The following HS6ST1 variants were observed in gnomAD, a reference collection of about 807,000 sequenced individuals.
HS6ST1 encodes heparan-sulfate 6-O-sulfotransferase 1.
A neutral mutation model predicts 25.2 loss-of-function variants in HS6ST1; 3 were observed. The ratio of observed to expected loss-of-function variants is 0.12; its 90% CI spans 0.05 to 0.31. HS6ST1 has a LOEUF of 0.31. HS6ST1 is among the 10% of genes least tolerant of loss of function. The pLI is 1.00. For synonymous variants in HS6ST1, 204 were observed against 275.1 expected (o/e 0.74, Z 2.56); for missense variants, 310 against 609.6 (o/e 0.51, Z 5.18).
intron 1 of HS6ST1, among the ~76,000 whole-genome samples, chr2:128,277,583 G>A (rs541463152): frequency 6.6e-6 from 1 of 152,336 alleles, no homozygotes; most frequent in Non-Finnish European, 1.5e-5. Flanking sequence ...CACAAGTAGC[G>A]GGAGGGGTCA....
rs1405524441 is a variant in HS6ST1, at chr2:128,266,384, C to A, written c.*1778G>T. Reference sequence around the variant, plus strand: ...TCACTTCCTTAGTGTGATGCATCCACCCAGGGAGGTGGCCCTGCGCGGCGC... The same window carrying A: ...TCACTTCCTTAGTGTGATGCATCCAACCAGGGAGGTGGCCCTGCGCGGCGC... On this transcript the variant is annotated 3_prime_UTR_variant, in exon 2 of 2. Coordinates refer to ENST00000259241, the MANE Select transcript of HS6ST1 (RefSeq NM_004807.3). 1.3e-5 allele frequency: 2 copies of A among 152,300 alleles called. No homozygotes were observed. Among genetic ancestry groups the A allele is most frequent in the African/African-American group, 4.8e-5 (2 of 41,462 alleles). 9.4% of individuals were successfully genotyped at this position (152,300 alleles called of 1,614,324 possible).
chr2:128,290,817 CAAAAAAAAAA>C (rs57754041), intron 1 of HS6ST1, among the ~76,000 whole-genome samples: 7 of 60,548 alleles, frequency 1.2e-4, no homozygotes, highest in Admixed American at 2.2e-4. Flanking sequence ...ACTAAAAATA[CAAAAAAAAAA>C]AAAAAAAAAA....
Position 128,316,704 on chromosome 2 carries a change from T to C in HS6ST1, c.527+1333A>G, listed in dbSNP as rs926821680. ...CTGGGAGCTGCAGTGTGTGTGTGTG[T>C]GTGGGTGTGTGTGTGTACAGTTGGG... On this transcript the variant is annotated intron_variant, in intron 1 of 1. Transcript: ENST00000259241. Among the ~76,000 whole-genome samples, 3 of 151,108 alleles carry C rather than the reference T, an allele frequency of 2.0e-5. No individual in the cohort carries two copies. In the East Asian group the frequency reaches 5.8e-4, roughly 29 times the overall value.
At chr2:128,299,644 C>T (rs894257605) in intron 1 of HS6ST1, among the ~76,000 whole-genome samples, 2 of 152,214 alleles carry the variant, frequency 1.3e-5, no homozygotes, top group Admixed American at 6.5e-5. Context: ...GAAGGCCACG[C>T]GTGACCTGTG....
intron 1 of HS6ST1, among the ~76,000 whole-genome samples, chr2:128,269,084 A>C (rs571031322): frequency 6.6e-6 from 1 of 152,212 alleles, no homozygotes; most frequent in South Asian, 2.1e-4. Context: ...TGACCACCAC[A>C]GTGCCCTGCA....
chr2:128,317,902 G>T, intron 1 of HS6ST1, 135 bp downstream of exon 1: 1 of 1,069,492 alleles, frequency 9.4e-7, no homozygotes, highest in Non-Finnish European at 1.2e-6. Context: ...GGTCGGGAGG[G>T]GTGCCGGCGA....
Position 128,268,715 on chromosome 2 carries a change from G to T in HS6ST1, c.683C>A (p.Thr228Lys). The T allele has an allele frequency of 6.2e-7, 1 of 1,612,308 alleles. No individual in the cohort carries two copies. Among genetic ancestry groups the T allele is most frequent in the South Asian group, 1.1e-5 (1 of 91,028 alleles). ...PEELPPCYEG[T>K]DWSGCTLQEF... ...CTGTAGCGTGCAGCCCGACCAGTCC[G>T]TGCCCTCGTAGCAGGGCGGCAGCTC... Residue 228 changes from threonine to lysine, a missense_variant, in exon 2 of 2, where the codon ACG becomes AAG. This residue lies in a region of HS6ST1 where 98 missense variants were observed against 270.3 expected (regional missense o/e 0.36). Transcript: ENST00000259241.
At chr2:128,297,643 G>A (rs544267679) in intron 1 of HS6ST1, among the ~76,000 whole-genome samples, 7 of 152,320 alleles carry the variant, frequency 4.6e-5, no homozygotes, top group African/African-American at 1.4e-4. Context: ...AGACCAGCCT[G>A]ACCAACATGG....
chr2:128,317,614 A>T (rs1694392696), intron 1 of HS6ST1, among the ~76,000 whole-genome samples: 1 of 152,158 alleles, frequency 6.6e-6, no homozygotes, highest in African/African-American at 2.4e-5. Flanking sequence ...CACTTTTGGG[A>T]CCACAGCACC....
chr2:128,313,510 A>G (rs1259297293), intron 1 of HS6ST1, among the ~76,000 whole-genome samples: 1 of 152,154 alleles, frequency 6.6e-6, no homozygotes, highest in Non-Finnish European at 1.5e-5. Flanking sequence ...TCTGCCTCAT[A>G]CTTTCCTCCC....
At position 128,267,932 on chromosome 2, in the gene HS6ST1, A is replaced by C. The variant is rs1487409537; in HGVS notation, c.*230T>G. The C allele has an allele frequency of 1.2e-5, 7 of 598,752 alleles. No homozygotes were observed. The highest frequency in any genetic ancestry group is 1.1e-4 in the African/African-American group (6 of 53,780). The allele number at this position is 598,752 out of a possible 1,614,324, so 37.1% of individuals were successfully genotyped here. On this transcript the variant is annotated 3_prime_UTR_variant, in exon 2 of 2. Transcript: ENST00000259241. ...CTGGAGGCCCTGCCCTGACCATGGC[A>C]TCCTTCGAGCACGCTTTCCTCTGAC...
intron 1 of HS6ST1, among the ~76,000 whole-genome samples, chr2:128,293,899 G>A (rs1344702951): frequency 6.6e-6 from 1 of 152,226 alleles, no homozygotes; most frequent in Admixed American, 6.5e-5. Context: ...GCCATGCTGA[G>A]CCAGGCAGAA....
In HS6ST1 at chr2:128,277,106, G is replaced by A. The variant is rs958431419; in HGVS notation, c.528-8236C>T. Among the ~76,000 whole-genome samples the A allele has an allele frequency of 3.3e-5, 5 of 152,170 alleles. 1 individual carries two copies. Among genetic ancestry groups the A allele is most frequent in the South Asian group, 4.1e-4 (2 of 4,828 alleles). The stretch of plus-strand genomic sequence containing the variant: ...GCATCCGGCTGGTGGTTGGTTCACC[G>A]TCCAGGAGTAGGAGTGCCTTGGGGA... On this transcript the variant is annotated intron_variant, in intron 1 of 1. Coordinates refer to ENST00000259241, the MANE Select transcript of HS6ST1 (RefSeq NM_004807.3).
intron 1 of HS6ST1, chr2:128,290,088 C>G (rs1693929718): frequency 6.6e-6 from 1 of 151,636 alleles, no homozygotes; most frequent in Non-Finnish European, 1.5e-5. Context: ...ATGTAAACAG[C>G]AAGTGAGAGC....
At chr2:128,271,583 A>T (rs1693610201) in intron 1 of HS6ST1, among the ~76,000 whole-genome samples, 1 of 152,214 alleles carries the variant, frequency 6.6e-6, no homozygotes, top group Admixed American at 6.5e-5. Context: ...GCTCGTGGCC[A>T]GGCTGTGAAG....
chr2:128,297,186 T>G (rs183205751), intron 1 of HS6ST1, among the ~76,000 whole-genome samples: 1 of 152,206 alleles, frequency 6.6e-6, no homozygotes, highest in Non-Finnish European at 1.5e-5. Context: ...GTCATAAAGA[T>G]AGGCATATAG....
chr2:128,285,036 G>A (rs1000478952), intron 1 of HS6ST1, among the ~76,000 whole-genome samples: 11 of 152,276 alleles, frequency 7.2e-5, no homozygotes, highest in East Asian at 1.9e-4. Context: ...CCTGTGCTGC[G>A]ACCCGACCTC....
At chr2:128,302,189 G>C (rs905547417) in intron 1 of HS6ST1, among the ~76,000 whole-genome samples, 1 of 152,176 alleles carries the variant, frequency 6.6e-6, no homozygotes, top group African/African-American at 2.4e-5. Flanking sequence ...GGGAGTCTGA[G>C]AGGTGTAACT....
At chr2:128,276,282 C>T (rs571675349) in intron 1 of HS6ST1, among the ~76,000 whole-genome samples, 1 of 152,270 alleles carries the variant, frequency 6.6e-6, no homozygotes, top group East Asian at 1.9e-4. Flanking sequence ...TGGTGGCATG[C>T]ACCACCACGT....
Sources: allele counts gnomAD v4.1 joint callset (sites outside exome capture counted in the v4.1 genomes callset), GRCh38; gene constraint gnomAD v4.1.1; regional missense constraint gnomAD v4.1.1; transcripts MANE v1.5; gene names NCBI Gene and HGNC (gene_info 2026-07-23, HGNC 2026-07-21).